CNTNAP3B: variants seen among roughly 807,000 people sequenced by gnomAD.
CNTNAP3B encodes contactin-associated protein-like 3B.
A neutral mutation model predicts 108.9 loss-of-function variants in CNTNAP3B; 25 were observed. The observed-to-expected ratio is 0.23, with a 90% CI of 0.17 to 0.32. The LOEUF (loss-of-function observed/expected upper bound fraction) is 0.32. Ranked by LOEUF, CNTNAP3B falls within the 10% of genes least tolerant of loss-of-function variation. The pLI is 1.00. For missense variants in CNTNAP3B, 252 were observed against 1,210.4 expected (o/e 0.21, Z 11.75); for synonymous variants, 103 against 473.4 (o/e 0.22, Z 10.16).
At chr9:42,024,890 T>G (rs917721113) in intron 3 of CNTNAP3B, among the ~76,000 whole-genome samples, 28 of 144,546 alleles carry the variant, frequency 1.9e-4, no homozygotes, top group Admixed American at 1.8e-3. Context: ...CTTTGCGTCT[T>G]AATTTCTTCA....
intron 3 of CNTNAP3B, among the ~76,000 whole-genome samples, chr9:42,033,368 T>A (rs1476282505): frequency 6.7e-6 from 1 of 149,386 alleles, no homozygotes; most frequent in African/African-American, 2.5e-5. Context: ...TAATATAAAC[T>A]GTCTCTTGCT....
chr9:42,125,807 A>G lies in CNTNAP3B; in HGVS notation c.85+3203T>C, dbSNP rs2605859. 1.5e-4 allele frequency among the ~76,000 whole-genome samples: 20 copies of G among 132,002 alleles called. 1 individual carries two copies. Among genetic ancestry groups the G allele is most frequent in the Admixed American group, 4.6e-4 (6 of 13,172 alleles). The allele number at this position is 132,002 out of a possible 152,430, so 86.6% of individuals were successfully genotyped here. A position where few individuals can be genotyped will look rare whatever the true frequency, so the allele number is the denominator to read the frequency against. ...ATTTTTTCATATTTTTAGTAGAGGC[A>G]GGGTTTCACCGTGTTGTCCAGGCTG... On this transcript the variant is annotated intron_variant, in intron 1 of 23. Transcript: ENST00000377561.
intron 13 of CNTNAP3B, among the ~76,000 whole-genome samples, 176 bp downstream of exon 13, chr9:41,953,007 G>C (rs1384787917): frequency 6.6e-6 from 1 of 152,262 alleles, no homozygotes; most frequent in Non-Finnish European, 1.5e-5. Flanking sequence ...TCAGGAAGGC[G>C]CTCTTGAATG....
At chr9:42,028,929 T>G (rs1274691956) in intron 3 of CNTNAP3B, among the ~76,000 whole-genome samples, 26 of 151,854 alleles carry the variant, frequency 1.7e-4, no homozygotes, top group Middle Eastern at 3.2e-3. Flanking sequence ...AAATTAAAAT[T>G]TTTTTGGCAT....
In CNTNAP3B at chr9:42,120,983, A is replaced by T. The variant is rs1216748380; in HGVS notation, c.85+8027T>A. Reference sequence around the variant, plus strand: ...ACTTAAAGTATAATAATAATAAAATAATAAAAAATTAAAAAGTTCAGTGTT... The same window carrying T: ...ACTTAAAGTATAATAATAATAAAATTATAAAAAATTAAAAAGTTCAGTGTT... On this transcript the variant is annotated intron_variant, in intron 1 of 23. Transcript: ENST00000377561. 1.4e-5 allele frequency among the ~76,000 whole-genome samples: 2 copies of T among 138,970 alleles called. 1 individual carries two copies. The highest frequency in any genetic ancestry group is 1.4e-4 in the Admixed American group (2 of 14,032). 91.2% of individuals were successfully genotyped at this position (138,970 alleles called of 152,430 possible). A position where few individuals can be genotyped will look rare whatever the true frequency, so the allele number is the denominator to read the frequency against.
At chr9:41,953,006 C>T (rs1442904406) in intron 13 of CNTNAP3B, among the ~76,000 whole-genome samples, 177 bp downstream of exon 13, 1 of 152,268 alleles carries the variant, frequency 6.6e-6, no homozygotes, top group African/African-American at 2.4e-5. Context: ...GTCAGGAAGG[C>T]GCTCTTGAAT....
Position 42,094,338 on chromosome 9 carries a change from C to T in CNTNAP3B, c.196+10291G>A, listed in dbSNP as rs1358909303. Among the ~76,000 whole-genome samples, 7 of 129,020 alleles carry T rather than the reference C, an allele frequency of 5.4e-5. 1 individual carries two copies. The highest frequency in any genetic ancestry group is 9.6e-5 in the Non-Finnish European group (6 of 62,774). The allele number at this position is 129,020 out of a possible 152,430, so 84.6% of individuals were successfully genotyped here. A position where few individuals can be genotyped will look rare whatever the true frequency, so the allele number is the denominator to read the frequency against. On this transcript the variant is annotated intron_variant, in intron 2 of 23. Coordinates refer to ENST00000377561, the MANE Select transcript of CNTNAP3B (RefSeq NM_001201380.3). ...TAAGAATGGTTTTACATTTGTAAAG[C>T]GTTGCATTTAAAAAAAAAAAACAAA...
chr9:42,076,397 G>A (rs1333511592), intron 3 of CNTNAP3B, among the ~76,000 whole-genome samples: 3 of 132,058 alleles, frequency 2.3e-5, no homozygotes, highest in Non-Finnish European at 3.2e-5. Context: ...CTGCACTCTA[G>A]TCTGGGTGAT....
intron 11 of CNTNAP3B, among the ~76,000 whole-genome samples, chr9:41,961,168 T>A (rs1249450609): frequency 1.1e-4 from 16 of 152,298 alleles, no homozygotes; most frequent in Admixed American, 3.3e-4. Flanking sequence ...TCACAGTGTA[T>A]TTCTATTTTG....
At chr9:42,003,007 C>T (rs1246214047) in intron 4 of CNTNAP3B, among the ~76,000 whole-genome samples, 2 of 118,500 alleles carry the variant, frequency 1.7e-5, no homozygotes, top group Non-Finnish European at 3.5e-5. Flanking sequence ...CAGCCTCAGC[C>T]TCCCAAGTAG....
intron 1 of CNTNAP3B, among the ~76,000 whole-genome samples, chr9:42,117,650 G>A (rs1242019149): frequency 2.2e-5 from 3 of 136,274 alleles, no homozygotes; most frequent in Admixed American, 2.2e-4. Flanking sequence ...TCAAAAGCTA[G>A]CAGAAGGCAA....
chr9:42,103,395 C>A (rs1253156758), intron 2 of CNTNAP3B, among the ~76,000 whole-genome samples: 1 of 130,942 alleles, frequency 7.6e-6, no homozygotes, highest in Non-Finnish European at 1.6e-5. Flanking sequence ...ATACAGAAAA[C>A]ACCAAGAAAT....
intron 13 of CNTNAP3B, among the ~76,000 whole-genome samples, chr9:41,952,168 C>T (rs1824709014): frequency 6.6e-6 from 1 of 152,366 alleles, no homozygotes; most frequent in South Asian, 2.1e-4. Context: ...TCAGCGCAAA[C>T]CACCTTCAGA....
intron 17 of CNTNAP3B, among the ~76,000 whole-genome samples, 156 bp downstream of exon 17, chr9:41,922,521 C>T (rs1246985373): frequency 6.8e-6 from 1 of 146,674 alleles, no homozygotes; most frequent in Non-Finnish European, 1.5e-5. Context: ...ATAAGAAGCA[C>T]ACAGCAAGCT....
At position 42,055,166 on chromosome 9, in the gene CNTNAP3B, G is replaced by A. The variant is rs558721274; in HGVS notation, c.390+21703C>T. Reference sequence around the variant, plus strand: ...TTTGTTTTTAATTGAAAAGCCATACGATTCACATAGTTCAAACCATATCTA... The same window carrying A: ...TTTGTTTTTAATTGAAAAGCCATACAATTCACATAGTTCAAACCATATCTA... On this transcript the variant is annotated intron_variant, in intron 3 of 23. Transcript: ENST00000377561. Among the ~76,000 whole-genome samples, 3 of 138,514 alleles carry A rather than the reference G, an allele frequency of 2.2e-5. 1 individual carries two copies. The highest frequency in any genetic ancestry group is 4.6e-5 in the Non-Finnish European group (3 of 64,792). The allele number at this position is 138,514 out of a possible 152,430, so 90.9% of individuals were successfully genotyped here.
intron 3 of CNTNAP3B, among the ~76,000 whole-genome samples, chr9:42,016,696 A>G (rs1399792703): frequency 6.6e-6 from 1 of 151,966 alleles, no homozygotes; most frequent in Non-Finnish European, 1.5e-5. Flanking sequence ...AGCTCTGTGG[A>G]GAGTGAGAGT....
At chr9:42,056,008 G>T (rs1379339113) in intron 3 of CNTNAP3B, among the ~76,000 whole-genome samples, 2 of 112,054 alleles carry the variant, frequency 1.8e-5, no homozygotes, top group Non-Finnish European at 1.8e-5. Flanking sequence ...AAAGCACAAA[G>T]AATCATGTTT....
Position 42,080,225 on chromosome 9 carries a change from G to T in CNTNAP3B, c.197-3163C>A, listed in dbSNP as rs1301634455. Among the ~76,000 whole-genome samples the T allele has an allele frequency of 5.1e-5, 7 of 136,580 alleles. 2 individuals carry two copies. Among genetic ancestry groups the T allele is most frequent in the Non-Finnish European group, 6.2e-5 (4 of 64,292 alleles). 89.6% of individuals were successfully genotyped at this position (136,580 alleles called of 152,430 possible). On this transcript the variant is annotated intron_variant, in intron 2 of 23. Transcript: ENST00000377561. ...CCTCACAGTTTGTTAGTTTGTTGGT[G>T]TTCATGGTTGCACTCCTGCTAACAG...
At position 42,120,523 on chromosome 9, in the gene CNTNAP3B, C is replaced by T. The variant is rs569688081; in HGVS notation, c.85+8487G>A. Among the ~76,000 whole-genome samples, 10 of 137,818 alleles carry T rather than the reference C, an allele frequency of 7.3e-5. 1 individual carries two copies. The highest frequency in any genetic ancestry group is 1.2e-4 in the African/African-American group (4 of 34,376). The allele number at this position is 137,818 out of a possible 152,430, so 90.4% of individuals were successfully genotyped here. Reference sequence around the variant, plus strand: ...ATGCTGCTATAAAGACACATGCACACGTATGTTTATTGCGGGACTATTCAC... The same window carrying T: ...ATGCTGCTATAAAGACACATGCACATGTATGTTTATTGCGGGACTATTCAC... On this transcript the variant is annotated intron_variant, in intron 1 of 23. Coordinates refer to ENST00000377561, the MANE Select transcript of CNTNAP3B (RefSeq NM_001201380.3).
Sources: allele counts gnomAD v4.1 joint callset (sites outside exome capture counted in the v4.1 genomes callset), GRCh38; gene constraint gnomAD v4.1.1; transcripts MANE v1.5; gene names NCBI Gene and HGNC (gene_info 2026-07-23, HGNC 2026-07-21).